The following LARGE1 variants were observed in gnomAD, a reference collection of about 807,000 sequenced individuals.
LARGE1 encodes xylosyl- and glucuronyltransferase LARGE1.
Under a neutral mutation model 87.6 loss-of-function variants are expected in LARGE1, and 43 were observed. That is an observed-to-expected ratio of 0.49 (90% CI 0.38 to 0.63). The LOEUF (loss-of-function observed/expected upper bound fraction) is 0.63. LARGE1 is among the 30% of genes least tolerant of loss of function. The pLI is 0.00. For missense variants in LARGE1, 802 were observed against 1,000.2 expected, an observed-to-expected ratio of 0.80 and a Z score of 2.67; for synonymous variants, 434 against 394.6, an observed-to-expected ratio of 1.10 and a Z score of -1.18.
intron 5 of LARGE1, among the ~76,000 whole-genome samples, chr22:33,597,037 T>A (rs543437210): frequency 7.2e-5 from 11 of 152,158 alleles, no homozygotes; most frequent in Non-Finnish European, 1.5e-4. Context: ...CCATGAGACA[T>A]ATCTATGTCT....
At chr22:33,528,563 C>T (rs1016990877) in intron 6 of LARGE1, among the ~76,000 whole-genome samples, 1 of 152,156 alleles carries the variant, frequency 6.6e-6, no homozygotes, top group African/African-American at 2.4e-5. Context: ...CACAAAAACT[C>T]TTATTGCACA....
intron 3 of LARGE1, among the ~76,000 whole-genome samples, chr22:33,631,983 T>C (rs1467045391): frequency 6.6e-6 from 1 of 152,346 alleles, no homozygotes; most frequent in Middle Eastern, 3.4e-3. Flanking sequence ...TATGTCATTA[T>C]GTAACACATG....
At chr22:33,418,083 G>A (rs1295946615) in intron 7 of LARGE1, among the ~76,000 whole-genome samples, 1 of 152,136 alleles carries the variant, frequency 6.6e-6, no homozygotes, top group Non-Finnish European at 1.5e-5. Context: ...AAGTAGCTGG[G>A]ACTACAGGCA....
intron 2 of LARGE1, among the ~76,000 whole-genome samples, chr22:33,699,676 G>GA (rs2082350671): frequency 7.2e-5 from 11 of 152,092 alleles, no homozygotes; most frequent in African/African-American, 2.2e-4. Context: ...TGTAGGCATA[G>GA]CAATAAAATA....
intron 10 of LARGE1, among the ~76,000 whole-genome samples, chr22:33,335,779 T>G (rs1024348233): frequency 3.3e-5 from 5 of 152,148 alleles, no homozygotes; most frequent in African/African-American, 1.2e-4. Context: ...CCTTTGCTCT[T>G]CTCTGGGAGG....
intron 6 of LARGE1, among the ~76,000 whole-genome samples, chr22:33,557,964 C>T (rs935435408): frequency 3.2e-4 from 48 of 152,226 alleles, no homozygotes; most frequent in African/African-American, 1.0e-3. Context: ...CCAAGCCTCG[C>T]CCTTTCCCAG....
intron 6 of LARGE1, among the ~76,000 whole-genome samples, chr22:33,557,181 G>A (rs2077715419): frequency 6.6e-6 from 1 of 152,156 alleles, no homozygotes; most frequent in African/African-American, 2.4e-5. Context: ...GCTCTGAGAA[G>A]TTAAATGATC....
At chr22:33,100,684 C>T in the LARGE1 span, among the ~76,000 whole-genome samples, 348 of 152,228 alleles carry the variant, frequency 2.3e-3, no homozygotes, top group Non-Finnish European at 2.9e-3. Context: ...TCATTAGGTG[C>T]AGATTCATTC....
intron 6 of LARGE1, among the ~76,000 whole-genome samples, chr22:33,441,458 C>G (rs2067474410): frequency 6.6e-6 from 1 of 152,066 alleles, no homozygotes; most frequent in African/African-American, 2.4e-5. Context: ...TTCTCTCTCT[C>G]TCTGTTTAAT....
intron 8 of LARGE1, among the ~76,000 whole-genome samples, chr22:33,382,516 T>C (rs942853045): frequency 6.6e-5 from 10 of 152,152 alleles, no homozygotes; most frequent in African/African-American, 2.2e-4. Flanking sequence ...TCCTGGGGCC[T>C]GCGGTGGACT....
At chr22:33,212,950 G>A (rs574141737) in intron 11 of LARGE1, among the ~76,000 whole-genome samples, 18 of 152,120 alleles carry the variant, frequency 1.2e-4, no homozygotes, top group African/African-American at 2.9e-4. Context: ...CCCAGGAGGC[G>A]GGGTCTGCAG....
intron 12 of LARGE1, among the ~76,000 whole-genome samples, chr22:33,296,533 T>C (rs931964507): frequency 1.3e-5 from 2 of 151,936 alleles, no homozygotes; most frequent in African/African-American, 4.8e-5. Flanking sequence ...TGGATAAGCC[T>C]AAGATGAGCC....
intron 6 of LARGE1, among the ~76,000 whole-genome samples, chr22:33,441,816 T>C (rs1000067229): frequency 1.3e-5 from 2 of 152,212 alleles, no homozygotes; most frequent in African/African-American, 4.8e-5. Context: ...ATCTATTTCA[T>C]AGGGCTTCAC....
At chr22:33,299,183 A>G (rs1389615450) in intron 12 of LARGE1, among the ~76,000 whole-genome samples, 1 of 152,136 alleles carries the variant, frequency 6.6e-6, no homozygotes, top group Non-Finnish European at 1.5e-5. Flanking sequence ...ATTCCACTCC[A>G]GCCTGAGCAA....
chr22:33,104,217 G>A, the LARGE1 span, among the ~76,000 whole-genome samples: 4,488 of 152,270 alleles, frequency 0.029, 170 homozygotes, highest in African/African-American at 0.082. Flanking sequence ...ACATACCACT[G>A]TGAGCTAATA....
chr22:33,258,036 A>G (rs776175021), intron 11 of LARGE1, among the ~76,000 whole-genome samples: 4 of 151,650 alleles, frequency 2.6e-5, no homozygotes, highest in Non-Finnish European at 5.9e-5. Context: ...ATGTATATAT[A>G]TTTTTTTGAG....
chr22:33,250,292 T>TC (rs1278647355), intron 11 of LARGE1, among the ~76,000 whole-genome samples: 1 of 152,220 alleles, frequency 6.6e-6, no homozygotes, highest in Non-Finnish European at 1.5e-5. Flanking sequence ...ATGTGAATAG[T>TC]CTTGTGTTTT....
chr22:33,810,907 A>G (rs540317565), intron 1 of LARGE1, among the ~76,000 whole-genome samples: 8 of 152,060 alleles, frequency 5.3e-5, no homozygotes, highest in Non-Finnish European at 1.2e-4. Flanking sequence ...TATTTTTAGT[A>G]CAGACGGGGT....
chr22:33,228,870 G>T (rs931915492), intron 11 of LARGE1, among the ~76,000 whole-genome samples: 1 of 152,056 alleles, frequency 6.6e-6, no homozygotes, highest in Non-Finnish European at 1.5e-5. Flanking sequence ...AAAGGGGTAG[G>T]TGGAGAAAGA....
Sources: gnomAD v4.1 joint callset for allele counts (sites outside exome capture counted in the v4.1 genomes callset) on GRCh38, gnomAD v4.1.1 for gene constraint, MANE v1.5 for transcripts, NCBI Gene and HGNC (gene_info 2026-07-23, HGNC 2026-07-21) for gene names.